LRRFIP1: variants seen among roughly 807,000 people sequenced by gnomAD.
LRRFIP1 encodes leucine-rich repeat flightless-interacting protein 1.
Under a neutral mutation model 104.4 loss-of-function variants are expected in LRRFIP1, and 62 were observed. The observed-to-expected ratio is 0.59, with a 90% CI of 0.48 to 0.73. The LOEUF (loss-of-function observed/expected upper bound fraction) is 0.73. Ranked by LOEUF, LRRFIP1 falls within the 30% of genes least tolerant of loss-of-function variation. LRRFIP1 has a pLI of 0.00. For synonymous variants in LRRFIP1, 300 were observed against 299.0 expected, an observed-to-expected ratio of 1.00 and a Z score of -0.03; for missense variants, 796 against 824.5, an observed-to-expected ratio of 0.97 and a Z score of 0.42.
At chr2:237,666,638 G>A (rs1356018341) in intron 1 of LRRFIP1, among the ~76,000 whole-genome samples, 1 of 152,146 alleles carries the variant, frequency 6.6e-6, no homozygotes, top group African/African-American at 2.4e-5. Context: ...GCAGGCAAGA[G>A]GAGTGAAGCA....
chr2:237,681,306 C>G (rs971794908), intron 1 of LRRFIP1, among the ~76,000 whole-genome samples: 3 of 152,166 alleles, frequency 2.0e-5, no homozygotes, highest in African/African-American at 7.2e-5. Flanking sequence ...GCAGAGCAGC[C>G]CTGTGTTTAT....
intron 10 of LRRFIP1, among the ~76,000 whole-genome samples, chr2:237,737,788 G>A (rs933019971): frequency 1.3e-5 from 2 of 152,160 alleles, no homozygotes; most frequent in Non-Finnish European, 2.9e-5. Flanking sequence ...CTCAAATGTG[G>A]CATTGATGCT....
chr2:237,709,466 T>C (rs2093969957), intron 2 of LRRFIP1, among the ~76,000 whole-genome samples: 1 of 152,202 alleles, frequency 6.6e-6, no homozygotes, highest in South Asian at 2.1e-4. Context: ...TTCCCCAGGG[T>C]TGATTTTAAT....
rs573050245 is a variant in LRRFIP1 at position 237,660,148 on chromosome 2, A to G, written c.96+32408A>G. ...AACTAATTTTCACAAGAGGAACTCT[A>G]AAAAGTTATTAAGAAGGCCAATGAT... is the stretch of plus-strand genomic sequence containing the variant. On this transcript the variant is annotated intron_variant, in intron 1 of 23. Transcript: ENST00000308482. Among the ~76,000 whole-genome samples the G allele has an allele frequency of 2.6e-5, 4 of 152,350 alleles. No individual in the cohort carries two copies. In the South Asian group the frequency reaches 8.3e-4, roughly 32 times the overall value.
chr2:237,724,049 C>CCT (rs35333228), intron 7 of LRRFIP1, among the ~76,000 whole-genome samples: 185 of 143,022 alleles, frequency 1.3e-3, no homozygotes, highest in African/African-American at 4.5e-3. Flanking sequence ...TACAATCTGA[C>CCT]TTTTTTTTTT....
At chr2:237,718,062 C>T (rs2094407150) in intron 4 of LRRFIP1, among the ~76,000 whole-genome samples, 1 of 152,226 alleles carries the variant, frequency 6.6e-6, no homozygotes, top group Non-Finnish European at 1.5e-5. Context: ...GCTGATGTCT[C>T]CTGGCCAGCA....
chr2:237,747,135 T>C (rs1258719856), intron 11 of LRRFIP1, among the ~76,000 whole-genome samples: 1 of 152,210 alleles, frequency 6.6e-6, no homozygotes, highest in Non-Finnish European at 1.5e-5. Flanking sequence ...AGGAGACCCT[T>C]AAACATGGCC....
chr2:237,754,792 G>GC (rs950274538), intron 15 of LRRFIP1, among the ~76,000 whole-genome samples: 1 of 152,228 alleles, frequency 6.6e-6, no homozygotes, highest in Non-Finnish European at 1.5e-5. Flanking sequence ...GCACAGCCCA[G>GC]CCCCCCTTCG....
Position 237,753,404 on chromosome 2 carries a change from T to C in LRRFIP1, c.963T>C (p.Asp321=), listed in dbSNP as rs777958467. ...AGACAAACTTCATGTACCAGGTTGATACCCTAAAAGATATGTTGCTGGAGC... is the reference window on the plus strand; with the variant it reads ...AGACAAACTTCATGTACCAGGTTGACACCCTAAAAGATATGTTGCTGGAGC... ...NEKTNFMYQV[D]TLKDMLLELE... The change falls in exon 15 of 24, where the codon GAT becomes GAC. Residue 321 remains aspartate (D), a synonymous_variant. Transcript: ENST00000308482. 3.1e-6 allele frequency: 5 copies of C among 1,606,446 alleles called. No homozygotes were observed. The highest frequency in any genetic ancestry group is 1.1e-5 in the South Asian group (1 of 88,988).
rs556080945 is a variant in LRRFIP1 at position 237,691,567 on chromosome 2, C to T, written c.97-16977C>T. Among the ~76,000 whole-genome samples the T allele has an allele frequency of 1.3e-5, 2 of 152,336 alleles. No homozygotes were observed. Among genetic ancestry groups the T allele is most frequent in the East Asian group, 3.9e-4 (2 of 5,170 alleles). On this transcript the variant is annotated intron_variant, in intron 1 of 23. Transcript: ENST00000308482. The surrounding 1 kb of genome is among the most constrained non-coding windows in gnomAD (Gnocchi z 5.4). The stretch of plus-strand genomic sequence containing the variant: ...CGGGATGCCGCGTTAGTGGGGTGCC[C>T]GGCCGGCAGGTGCAGCGGTGCTGGG...
intron 1 of LRRFIP1, among the ~76,000 whole-genome samples, chr2:237,677,567 G>A (rs912837945): frequency 1.3e-5 from 2 of 152,154 alleles, no homozygotes; most frequent in African/African-American, 4.8e-5. Flanking sequence ...CAAGGCAGGA[G>A]GATCGCTTAA....
chr2:237,726,068 A>G (rs1422596035), intron 7 of LRRFIP1, among the ~76,000 whole-genome samples: 1 of 152,236 alleles, frequency 6.6e-6, no homozygotes, highest in East Asian at 1.9e-4. Context: ...AGTCCTTGAC[A>G]TGCATTTTCA....
At chr2:237,725,885 A>G (rs532923649) in intron 7 of LRRFIP1, among the ~76,000 whole-genome samples, 1 of 152,352 alleles carries the variant, frequency 6.6e-6, no homozygotes, top group South Asian at 2.1e-4. Flanking sequence ...TGTATTTCAT[A>G]AGCAGCAGTG....
chr2:237,693,254 C>T (rs2092937891), intron 1 of LRRFIP1, among the ~76,000 whole-genome samples: 1 of 152,224 alleles, frequency 6.6e-6, no homozygotes, highest in Non-Finnish European at 1.5e-5. Context: ...CCTAGCTTTC[C>T]ACTTAATCAG....
At chr2:237,748,507 C>G in intron 12 of LRRFIP1, 108 bp downstream of exon 12, 1 of 1,076,180 alleles carries the variant, frequency 9.3e-7, no homozygotes. Flanking sequence ...AGCGAGGGAA[C>G]TGGACTAGAA....
intron 1 of LRRFIP1, among the ~76,000 whole-genome samples, chr2:237,674,672 G>C (rs150354134): frequency 4.6e-5 from 7 of 152,204 alleles, no homozygotes; most frequent in Non-Finnish European, 1.0e-4. Flanking sequence ...AGAGATCCCC[G>C]AAACTGAATA....
intron 7 of LRRFIP1, among the ~76,000 whole-genome samples, chr2:237,726,298 T>C (rs1444090111): frequency 6.6e-6 from 1 of 152,244 alleles, no homozygotes; most frequent in Non-Finnish European, 1.5e-5. Flanking sequence ...GATAAATATA[T>C]AGTTTGATAG....
At position 237,768,316 on chromosome 2, in the gene LRRFIP1, T is replaced by G. The variant is rs192302142; in HGVS notation, c.1460-1627T>G. ...ACAACTAAATGTCAGATTACCTATATCAATTTTGCTTGCACTCTTATTACA... is the reference window on the plus strand; with the variant it reads ...ACAACTAAATGTCAGATTACCTATAGCAATTTTGCTTGCACTCTTATTACA... On this transcript the variant is annotated intron_variant, in intron 19 of 23. Coordinates refer to ENST00000308482, the MANE Select transcript of LRRFIP1 (RefSeq NM_001137550.2). 10 of 152,368 alleles carry G rather than the reference T, an allele frequency of 6.6e-5. No individual in the cohort carries two copies. In the East Asian group the frequency reaches 1.9e-3, roughly 29 times the overall value. The allele number at this position is 152,368 out of a possible 1,614,324, so 9.4% of individuals were successfully genotyped here. A position where few individuals can be genotyped will look rare whatever the true frequency, so the allele number is the denominator to read the frequency against.
intron 14 of LRRFIP1, among the ~76,000 whole-genome samples, chr2:237,751,533 C>A (rs1379634410): frequency 6.6e-6 from 1 of 152,166 alleles, no homozygotes; most frequent in Non-Finnish European, 1.5e-5. Context: ...TTAGACTTAC[C>A]ATCCTTCCCC....
Sources: allele counts gnomAD v4.1 joint callset (sites outside exome capture counted in the v4.1 genomes callset), GRCh38; gene constraint gnomAD v4.1.1; non-coding constraint Gnocchi (gnomAD v3.1); transcripts MANE v1.5; gene names NCBI Gene and HGNC (gene_info 2026-07-23, HGNC 2026-07-21).